The following UBIAD1 variants were observed in gnomAD, a reference collection of about 807,000 sequenced individuals.
The protein encoded by UBIAD1 is UbiA prenyltransferase domain containing 1, also known as ubiA prenyltransferase domain-containing protein 1.
UBIAD1 carries 12 observed loss-of-function variants against 20.1 expected under a neutral mutation model. That is an observed-to-expected ratio of 0.60 (90% CI 0.38 to 0.97). The LOEUF is 0.97. Among genes scored for constraint, UBIAD1 ranks in the 50% least tolerant of loss-of-function variants. The pLI, the probability that UBIAD1 is intolerant of heterozygous loss-of-function variation, is 0.00. For synonymous variants in UBIAD1, 207 were observed against 189.2 expected (o/e 1.09, Z -0.77); for missense variants, 333 against 419.5 (o/e 0.79, Z 1.80).
intron 1 of UBIAD1, among the ~76,000 whole-genome samples, chr1:11,283,871 G>A (rs1652323206): frequency 6.6e-6 from 1 of 152,158 alleles, no homozygotes; most frequent in East Asian, 1.9e-4. Context: ...CTAAGCTTCT[G>A]TAGCAATAAT....
chr1:11,286,538 G>T lies in UBIAD1; in HGVS notation c.*407G>T, dbSNP rs1638264544. The stretch of plus-strand genomic sequence containing the variant: ...GACCCTAATAACTAGGCAGAGTGTT[G>T]TCCTGCTTTCTTCGTCTCGTAGGAT... On this transcript the variant is annotated 3_prime_UTR_variant, in exon 2 of 2. Coordinates refer to ENST00000376810, the MANE Select transcript of UBIAD1 (RefSeq NM_013319.3). 3.3e-6 allele frequency: 1 copy of T among 305,904 alleles called. No individual in the cohort carries two copies. The highest frequency in any genetic ancestry group is 6.3e-6 in the Non-Finnish European group (1 of 159,682). 18.9% of individuals were successfully genotyped at this position (305,904 alleles called of 1,614,324 possible).
rs1638260148 is a variant in UBIAD1, at chr1:11,286,206, A to G, written c.*75A>G. ...TAAAGTCAGAGTCTCTGAGGAAGGA[A>G]TGTGATTTGGCAGTCAGGGTACTAA... is the stretch of plus-strand genomic sequence containing the variant. On this transcript the variant is annotated 3_prime_UTR_variant, in exon 2 of 2. Transcript: ENST00000376810. The G allele has an allele frequency of 1.2e-6, 2 of 1,601,438 alleles. No individual in the cohort carries two copies. The highest frequency in any genetic ancestry group is 1.7e-6 in the Non-Finnish European group (2 of 1,172,044).
At chr1:11,274,175 A>G in intron 1 of UBIAD1, 115 bp downstream of exon 1, 1 of 1,292,434 alleles carries the variant, frequency 7.7e-7, no homozygotes, top group Non-Finnish European at 1.1e-6. Flanking sequence ...AAGCCGCTTT[A>G]ATTGAAGTCT....
downstream of UBIAD1, among the ~76,000 whole-genome samples, chr1:11,298,932 G>A (rs1222749638): frequency 1.3e-5 from 2 of 152,254 alleles, no homozygotes; most frequent in African/African-American, 4.8e-5. This position sits in a 1 kb window ranked among gnomAD's most constrained non-coding sequence, Gnocchi z 4.0. Flanking sequence ...TGCAGGGGCT[G>A]GGTGGCTGTG....
In UBIAD1 at chr1:11,273,303, G is replaced by C; in HGVS notation, c.-229G>C. On this transcript the variant is annotated 5_prime_UTR_variant, in exon 1 of 2. Transcript: ENST00000376810. The surrounding 1 kb of genome is among the most constrained non-coding windows in gnomAD (Gnocchi z 4.9). ...GGGCTCTAACGCGGGGCTGGGGGCC[G>C]GAGACAGACTTCGCCCAGGTGACGG... is the stretch of plus-strand genomic sequence containing the variant. 2 of 585,446 alleles carry C rather than the reference G, an allele frequency of 3.4e-6. No homozygotes were observed. The highest frequency in any genetic ancestry group is 6.1e-6 in the Non-Finnish European group (2 of 328,908). 36.3% of individuals were successfully genotyped at this position (585,446 alleles called of 1,614,324 possible).
Position 11,287,051 on chromosome 1 carries a change from A to G in UBIAD1, c.*920A>G, listed in dbSNP as rs937643608. ...CCCCACACCTACCCTCCACCTCTCCACCTCTGTGGTGTTCCCATTTGTGTG... is the reference window on the plus strand; with the variant it reads ...CCCCACACCTACCCTCCACCTCTCCGCCTCTGTGGTGTTCCCATTTGTGTG... On this transcript the variant is annotated 3_prime_UTR_variant, in exon 2 of 2. Coordinates refer to ENST00000376810, the MANE Select transcript of UBIAD1 (RefSeq NM_013319.3). 1.8e-4 allele frequency: 27 copies of G among 151,632 alleles called. No homozygotes were observed. The allele number at this position is 151,632 out of a possible 1,614,324, so 9.4% of individuals were successfully genotyped here. A position where few individuals can be genotyped will look rare whatever the true frequency, so the allele number is the denominator to read the frequency against.
chr1:11,279,826 A>G (rs968319184), intron 1 of UBIAD1, among the ~76,000 whole-genome samples: 1 of 152,242 alleles, frequency 6.6e-6, no homozygotes, highest in Non-Finnish European at 1.5e-5. Flanking sequence ...TCATTGGTCT[A>G]TAGATAAAGT....
chr1:11,276,532 C>T (rs1652033935), intron 1 of UBIAD1, among the ~76,000 whole-genome samples: 2 of 151,676 alleles, frequency 1.3e-5, no homozygotes, highest in Non-Finnish European at 2.9e-5. Flanking sequence ...GGCGTGGTGG[C>T]ATGTGCCTGT....
chr1:11,285,262 G>A lies in UBIAD1; in HGVS notation c.530-382G>A, dbSNP rs1638237602. On this transcript the variant is annotated intron_variant, in intron 1 of 1. Coordinates refer to ENST00000376810, the MANE Select transcript of UBIAD1 (RefSeq NM_013319.3). The surrounding 1 kb of genome is among the most constrained non-coding windows in gnomAD (Gnocchi z 4.4). Reference sequence around the variant, plus strand: ...GATTGATCTCACGGGGTCTTGCAGGGGTTGGTGAAGGGTGAAAGATAGCAA... The same window carrying A: ...GATTGATCTCACGGGGTCTTGCAGGAGTTGGTGAAGGGTGAAAGATAGCAA... Among the ~76,000 whole-genome samples the A allele has an allele frequency of 6.6e-6, 1 of 152,178 alleles. No homozygotes were observed. Among genetic ancestry groups the A allele is most frequent in the Non-Finnish European group, 1.5e-5 (1 of 68,044 alleles).
intron 1 of UBIAD1, among the ~76,000 whole-genome samples, chr1:11,275,521 G>A (rs925015329): frequency 2.0e-5 from 3 of 152,054 alleles, no homozygotes; most frequent in African/African-American, 7.2e-5. Context: ...CGAGAGGATC[G>A]CTTGAGGCCA....
chr1:11,297,780 A>C (rs1325613421), downstream of UBIAD1, among the ~76,000 whole-genome samples: 1 of 152,208 alleles, frequency 6.6e-6, no homozygotes, highest in Non-Finnish European at 1.5e-5. Context: ...AGGTGGTCTT[A>C]CATGTGGCTG....
downstream of UBIAD1, among the ~76,000 whole-genome samples, chr1:11,290,575 G>T (rs111847625): frequency 4.1e-3 from 626 of 152,272 alleles, 6 homozygotes; most frequent in African/African-American, 0.014. Flanking sequence ...CCTTTGTGCT[G>T]AATCCCACTC....
downstream of UBIAD1, among the ~76,000 whole-genome samples, chr1:11,296,722 G>A (rs910503858): frequency 1.3e-5 from 2 of 152,264 alleles, no homozygotes; most frequent in Admixed American, 1.3e-4. Flanking sequence ...ATTTCACCAT[G>A]TTGCCCAGGC....
chr1:11,286,439 T>A lies in UBIAD1; in HGVS notation c.*308T>A, dbSNP rs1638262836. On this transcript the variant is annotated 3_prime_UTR_variant, in exon 2 of 2. Coordinates refer to ENST00000376810, the MANE Select transcript of UBIAD1 (RefSeq NM_013319.3). Reference sequence around the variant, plus strand: ...TCACTTTGCAGTGAAGTGGACTTAGTTCCTCCTTGTTCTGTACAAAATGTC... The same window carrying A: ...TCACTTTGCAGTGAAGTGGACTTAGATCCTCCTTGTTCTGTACAAAATGTC... 5.0e-6 allele frequency: 2 copies of A among 403,306 alleles called. No homozygotes were observed. The highest frequency in any genetic ancestry group is 5.9e-5 in the East Asian group (1 of 16,898). 25.0% of individuals were successfully genotyped at this position (403,306 alleles called of 1,614,324 possible).
At chr1:11,295,021 C>T (rs1335605346) in exon 2 of UBIAD1, 2 of 706,834 alleles carry the variant, frequency 2.8e-6, no homozygotes, top group Non-Finnish European at 5.3e-6. Context: ...CCCCTTCCTG[C>T]CTCGGGGTGG....
intron 1 of UBIAD1, among the ~76,000 whole-genome samples, chr1:11,277,683 T>A (rs1311107066): frequency 6.6e-6 from 1 of 152,234 alleles, no homozygotes; most frequent in Non-Finnish European, 1.5e-5. Flanking sequence ...ATTTTGCTCT[T>A]GTTGCCCAGG....
chr1:11,273,576 G>C lies in UBIAD1; in HGVS notation c.45G>C (p.Ser15=), dbSNP rs1557513742. Residue 15 remains serine, a synonymous_variant, in exon 1 of 2, where the codon TCG becomes TCC. Coordinates refer to ENST00000376810, the MANE Select transcript of UBIAD1 (RefSeq NM_013319.3). The surrounding 1 kb of genome is among the most constrained non-coding windows in gnomAD (Gnocchi z 4.9). ...TGGGGGAGAAGATTAACATCCTGTC[G>C]GGAGAGACTGTCAAAGCTGGGGACA... ...QVLGEKINIL[S]GETVKAGDRD... 2 of 1,613,534 alleles carry C rather than the reference G, an allele frequency of 1.2e-6. No homozygotes were observed. Among genetic ancestry groups the C allele is most frequent in the Non-Finnish European group, 1.7e-6 (2 of 1,180,028 alleles).
Position 11,286,656 on chromosome 1 carries a change from G to C in UBIAD1, c.*525G>C, listed in dbSNP as rs1638267017. The stretch of plus-strand genomic sequence containing the variant: ...CCTGAGATACGCTGCCTGAGACAGA[G>C]AGAGTCCCTCATTAACAGCCTGTGT... On this transcript the variant is annotated 3_prime_UTR_variant, in exon 2 of 2. Coordinates refer to ENST00000376810, the MANE Select transcript of UBIAD1 (RefSeq NM_013319.3). The C allele has an allele frequency of 5.7e-6, 1 of 174,296 alleles. No homozygotes were observed. 10.8% of individuals were successfully genotyped at this position (174,296 alleles called of 1,614,324 possible). A position where few individuals can be genotyped will look rare whatever the true frequency, so the allele number is the denominator to read the frequency against.
At position 11,273,517 on chromosome 1, in the gene UBIAD1, C is replaced by T. The variant is rs771743169; in HGVS notation, c.-15C>T. 5.0e-5 allele frequency: 80 copies of T among 1,611,072 alleles called. 1 individual carries two copies. The highest frequency in any genetic ancestry group is 6.4e-5 in the Non-Finnish European group (76 of 1,180,024). ...GGCTCACTTTTAGAGTTTACTTCAA[C>T]CACGTGGAGCTTCCATGGCGGCCTC... On this transcript the variant is annotated 5_prime_UTR_variant, in exon 1 of 2. Transcript: ENST00000376810. The surrounding 1 kb of genome is among the most constrained non-coding windows in gnomAD (Gnocchi z 4.9).
Sources: gnomAD v4.1 joint callset for allele counts (sites outside exome capture counted in the v4.1 genomes callset) on GRCh38, gnomAD v4.1.1 for gene constraint, Gnocchi (gnomAD v3.1) non-coding constraint, MANE v1.5 for transcripts, NCBI Gene and HGNC (gene_info 2026-07-23, HGNC 2026-07-21) for gene names.